The following BMERB1 variants were observed in gnomAD, a reference collection of about 807,000 sequenced individuals.
BMERB1 encodes bMERB domain-containing protein 1.
BMERB1 carries 12 observed loss-of-function variants against 23.6 expected under a neutral mutation model. The ratio of observed to expected loss-of-function variants is 0.51; its 90% CI spans 0.33 to 0.82. The LOEUF (loss-of-function observed/expected upper bound fraction) is 0.82. Ranked by LOEUF, BMERB1 falls within the 40% of genes least tolerant of loss-of-function variation. BMERB1 has a pLI of 0.03. For missense variants in BMERB1, 247 were observed against 255.4 expected, an observed-to-expected ratio of 0.97 and a Z score of 0.22; for synonymous variants, 122 against 96.6, an observed-to-expected ratio of 1.26 and a Z score of -1.54.
At chr16:15,571,213 G>A (rs1178792870) in intron 3 of BMERB1, among the ~76,000 whole-genome samples, 8 of 152,122 alleles carry the variant, frequency 5.3e-5, no homozygotes. Context: ...GTCTATAGAT[G>A]TACAGATGTT....
intron 1 of BMERB1, among the ~76,000 whole-genome samples, chr16:15,456,064 T>C (rs954421317): frequency 6.6e-6 from 1 of 152,148 alleles, no homozygotes; most frequent in Non-Finnish European, 1.5e-5. Context: ...AAAATCTTTT[T>C]AAAGTAATAG....
chr16:15,542,602 C>T (rs2052096980), intron 2 of BMERB1, among the ~76,000 whole-genome samples: 1 of 149,004 alleles, frequency 6.7e-6, no homozygotes, highest in African/African-American at 2.5e-5. Context: ...ATTAACCACA[C>T]TAGTGGCTTA....
At chr16:15,503,664 AG>A (rs1046706955) in intron 1 of BMERB1, among the ~76,000 whole-genome samples, 3 of 152,122 alleles carry the variant, frequency 2.0e-5, no homozygotes, top group African/African-American at 7.2e-5. Context: ...CTGAGGGACA[AG>A]TATATCATCC....
intron 1 of BMERB1, among the ~76,000 whole-genome samples, chr16:15,450,013 A>C (rs1168667451): frequency 6.6e-6 from 1 of 151,816 alleles, no homozygotes; most frequent in East Asian, 1.9e-4. Context: ...TGACCTCCCA[A>C]AGTGCTGGGA....
intron 1 of BMERB1, among the ~76,000 whole-genome samples, chr16:15,474,024 G>C (rs1367212698): frequency 6.6e-6 from 1 of 151,902 alleles, no homozygotes; most frequent in African/African-American, 2.4e-5. Flanking sequence ...GGAGGCTGAG[G>C]CAGGAGAATG....
intron 1 of BMERB1, among the ~76,000 whole-genome samples, chr16:15,513,824 G>T (rs949099197): frequency 6.6e-6 from 1 of 151,914 alleles, no homozygotes; most frequent in African/African-American, 2.4e-5. Flanking sequence ...AACCCGGGAG[G>T]TGAAGGTTGC....
At chr16:15,439,832 A>T (rs371884452) in intron 1 of BMERB1, among the ~76,000 whole-genome samples, 1 of 152,200 alleles carries the variant, frequency 6.6e-6, no homozygotes, top group East Asian at 1.9e-4. Context: ...TCAGAAACAC[A>T]GTTGTCTCTG....
intron 1 of BMERB1, among the ~76,000 whole-genome samples, chr16:15,510,004 A>G (rs2051643196): frequency 1.3e-5 from 2 of 152,112 alleles, no homozygotes; most frequent in Admixed American, 1.3e-4. Flanking sequence ...AAGTGATGCT[A>G]TTACATCCAG....
At chr16:15,489,424 C>A (rs1293456172) in intron 1 of BMERB1, among the ~76,000 whole-genome samples, 1 of 152,102 alleles carries the variant, frequency 6.6e-6, no homozygotes, top group Non-Finnish European at 1.5e-5. Context: ...CTGTTCCTCC[C>A]ATTGGCAAAA....
In BMERB1 at chr16:15,491,841, G is replaced by A. The variant is rs146889615; in HGVS notation, c.107-23464G>A. Among the ~76,000 whole-genome samples the A allele has an allele frequency of 5.8e-3, 883 of 152,228 alleles. 8 individuals carry two copies. The highest frequency in any genetic ancestry group is 0.02 in the African/African-American group (829 of 41,530). On this transcript the variant is annotated intron_variant, in intron 1 of 5. Coordinates refer to ENST00000300006, the MANE Select transcript of BMERB1 (RefSeq NM_033201.3). ...GACCCCGCTATCTGGAGGAGTCCCC[G>A]GGATCAATCACTGTCTACCCCCGTA...
At chr16:15,482,653 CA>C (rs2051331844) in intron 1 of BMERB1, among the ~76,000 whole-genome samples, 1 of 152,050 alleles carries the variant, frequency 6.6e-6, no homozygotes, top group Admixed American at 6.6e-5. Flanking sequence ...AAATCACTGA[CA>C]AAGCAAAGCA....
intron 5 of BMERB1, 114 bp from the exon 6 acceptor site, chr16:15,586,591 GCCTGGAACAAGA>G (rs2031149508): frequency 2.7e-6 from 2 of 752,264 alleles, no homozygotes; most frequent in Non-Finnish European, 2.4e-6. Context: ...CCTGAACAAG[GCCTGGAACAAGA>G]CCTGGCCAGG....
chr16:15,532,240 G>GC (rs1567487557), intron 2 of BMERB1, among the ~76,000 whole-genome samples: 1 of 149,616 alleles, frequency 6.7e-6, no homozygotes, highest in Non-Finnish European at 1.5e-5. Flanking sequence ...TGTTTTTTTT[G>GC]TTTTTTTTTG....
At position 15,566,034 on chromosome 16, in the gene BMERB1, C is replaced by G. The variant is rs1451131823; in HGVS notation, c.231-1949C>G. On this transcript the variant is annotated intron_variant, in intron 2 of 5. Coordinates refer to ENST00000300006, the MANE Select transcript of BMERB1 (RefSeq NM_033201.3). ...ACATGGAGAAGAAGCCTTAGAGGAA[C>G]TGATGTTCATCCTGCAGTGGCCAAA... Among the ~76,000 whole-genome samples, 2 of 147,234 alleles carry G rather than the reference C, an allele frequency of 1.4e-5. 1 individual carries two copies. The highest frequency in any genetic ancestry group is 1.3e-4 in the Admixed American group (2 of 15,212).
At chr16:15,510,209 G>C (rs1725105237) in intron 1 of BMERB1, among the ~76,000 whole-genome samples, 1 of 152,152 alleles carries the variant, frequency 6.6e-6, no homozygotes, top group South Asian at 2.1e-4. Flanking sequence ...CCTCCCCACT[G>C]GCCATGAATT....
At chr16:15,443,092 AC>A (rs1309231895) in intron 1 of BMERB1, among the ~76,000 whole-genome samples, 2 of 152,082 alleles carry the variant, frequency 1.3e-5, no homozygotes, top group Non-Finnish European at 2.9e-5. Context: ...TACCAAAAAT[AC>A]AAAAATTAGC....
intron 1 of BMERB1, among the ~76,000 whole-genome samples, chr16:15,487,155 A>G (rs1598466362): frequency 1.3e-5 from 2 of 152,302 alleles, no homozygotes; most frequent in Middle Eastern, 6.8e-3. Flanking sequence ...GAATTCTATA[A>G]TTTGAATTCA....
At chr16:15,550,320 C>G (rs923141265) in intron 2 of BMERB1, among the ~76,000 whole-genome samples, 6 of 151,370 alleles carry the variant, frequency 4.0e-5, no homozygotes. Flanking sequence ...CCCTGCCATC[C>G]CTAAGAAAGC....
At chr16:15,538,201 C>A (rs1475812228) in intron 2 of BMERB1, among the ~76,000 whole-genome samples, 1 of 152,158 alleles carries the variant, frequency 6.6e-6, no homozygotes, top group Non-Finnish European at 1.5e-5. Flanking sequence ...GCCTGGAATC[C>A]CAGCCCTTTG....
Sources: gnomAD v4.1 joint callset for allele counts (sites outside exome capture counted in the v4.1 genomes callset) on GRCh38, gnomAD v4.1.1 for gene constraint, MANE v1.5 for transcripts, NCBI Gene and HGNC (gene_info 2026-07-23, HGNC 2026-07-21) for gene names.